Variants in UTRN observed in about 807,000 individuals in gnomAD.
UTRN encodes the protein dystrophin-related protein 1.
Under a neutral mutation model 463.9 loss-of-function variants are expected in UTRN, and 283 were observed. That is an observed-to-expected ratio of 0.61 (90% CI 0.55 to 0.67). UTRN has a LOEUF of 0.67. Among genes scored for constraint, UTRN ranks in the 30% least tolerant of loss-of-function variants. The probability of loss-of-function intolerance (pLI) is 0.00; values close to 1 mark genes in which losing one functional copy is unlikely to be tolerated. For synonymous variants in UTRN, 1,442 were observed against 1,431.5 expected (o/e 1.01, Z -0.17); for missense variants, 3,922 against 4,084.3 (o/e 0.96, Z 1.08).
At chr6:144,357,277 G>A (rs1001297757) in intron 2 of UTRN, among the ~76,000 whole-genome samples, 6 of 151,988 alleles carry the variant, frequency 3.9e-5, no homozygotes, top group African/African-American at 7.3e-5. Context: ...CCTCATTTCC[G>A]CACGATGATA....
intron 34 of UTRN, among the ~76,000 whole-genome samples, chr6:144,505,626 T>G (rs1353783048): frequency 6.6e-6 from 1 of 152,214 alleles, no homozygotes; most frequent in African/African-American, 2.4e-5. Flanking sequence ...GACTGTTTGT[T>G]ACGATTTCTG....
chr6:144,637,155 A>C (rs1562688600), intron 51 of UTRN, among the ~76,000 whole-genome samples: 1 of 152,104 alleles, frequency 6.6e-6, no homozygotes, highest in South Asian at 2.1e-4. Context: ...TTTTTGGTAG[A>C]GACAGGGTCT....
intron 61 of UTRN, among the ~76,000 whole-genome samples, chr6:144,783,411 G>C (rs1165205358): frequency 6.6e-6 from 1 of 152,116 alleles, no homozygotes; most frequent in East Asian, 1.9e-4. Context: ...GCAATGAGCT[G>C]ACTAAAAATC....
At chr6:144,557,067 A>G (rs1477108744) in intron 49 of UTRN, 90 bp from the exon 50 acceptor site, 2 of 1,470,432 alleles carry the variant, frequency 1.4e-6, no homozygotes, top group Admixed American at 2.1e-5. Flanking sequence ...TATCTAAAGC[A>G]TGTCAAAATC....
chr6:144,477,796 G>A (rs1450559503), intron 25 of UTRN, among the ~76,000 whole-genome samples: 1 of 152,152 alleles, frequency 6.6e-6, no homozygotes, highest in Non-Finnish European at 1.5e-5. Flanking sequence ...AGGAACTGGG[G>A]TTTTTGAGGA....
intron 69 of UTRN, 56 bp from the exon 70 acceptor site, chr6:144,835,724 C>T (rs902736643): frequency 6.2e-7 from 1 of 1,600,392 alleles, no homozygotes; most frequent in Non-Finnish European, 8.5e-7. Context: ...CCTTTATGTC[C>T]AAAAACATCA....
intron 66 of UTRN, among the ~76,000 whole-genome samples, chr6:144,824,319 C>G (rs979455570): frequency 1.3e-5 from 2 of 151,012 alleles, no homozygotes; most frequent in Non-Finnish European, 2.9e-5. Flanking sequence ...AGGCAGAAGA[C>G]AAAGAACAAG....
chr6:144,590,335 G>A (rs1441385448), intron 51 of UTRN, among the ~76,000 whole-genome samples: 1 of 152,058 alleles, frequency 6.6e-6, no homozygotes, highest in East Asian at 1.9e-4. Flanking sequence ...AAAATAGTTG[G>A]TTCTGGTTTT....
intron 33 of UTRN, among the ~76,000 whole-genome samples, chr6:144,498,221 T>C (rs1236303517): frequency 6.6e-6 from 1 of 152,230 alleles, no homozygotes; most frequent in Non-Finnish European, 1.5e-5. Flanking sequence ...CATGGCTCAA[T>C]CCAAAGATTG....
rs553713766 is a variant in UTRN at position 144,544,506 on chromosome 6, A to G, written c.6595+1636A>G. ...CTGGATATTTCATATAAATGGAGTC[A>G]TACGATGCTTCTTTTACTTAGCATA... On this transcript the variant is annotated intron_variant, in intron 46 of 74. Transcript: ENST00000367545. Among the ~76,000 whole-genome samples, 3 of 152,284 alleles carry G rather than the reference A, an allele frequency of 2.0e-5. No homozygotes were observed. In the South Asian group the frequency reaches 6.2e-4, roughly 32 times the overall value.
intron 3 of UTRN, among the ~76,000 whole-genome samples, chr6:144,410,650 C>T (rs943061116): frequency 6.6e-6 from 1 of 152,062 alleles, no homozygotes; most frequent in African/African-American, 2.4e-5. Flanking sequence ...GCTTAGCTCC[C>T]ACTTATGAGT....
chr6:144,603,822 T>C (rs897244853), intron 51 of UTRN, among the ~76,000 whole-genome samples: 1 of 152,184 alleles, frequency 6.6e-6, no homozygotes, highest in Admixed American at 6.5e-5. Flanking sequence ...ATTATTAAAA[T>C]AACTAGTATT....
At chr6:144,360,650 G>A (rs1274541473) in intron 2 of UTRN, among the ~76,000 whole-genome samples, 3 of 152,212 alleles carry the variant, frequency 2.0e-5, no homozygotes, top group Non-Finnish European at 4.4e-5. Context: ...CTGGCAGGAA[G>A]TGTCAGCGCC....
At chr6:144,652,499 A>C (rs951554853) in intron 51 of UTRN, among the ~76,000 whole-genome samples, 2 of 152,240 alleles carry the variant, frequency 1.3e-5, no homozygotes, top group Admixed American at 6.5e-5. Context: ...TCTAGGTGGG[A>C]TCACTTAAAC....
chr6:144,705,769 A>G (rs1369454227), intron 53 of UTRN, among the ~76,000 whole-genome samples: 1 of 152,212 alleles, frequency 6.6e-6, no homozygotes, highest in African/African-American at 2.4e-5. Flanking sequence ...AGGAAAAGTA[A>G]AGTGCTGAAG....
intron 28 of UTRN, among the ~76,000 whole-genome samples, 160 bp downstream of exon 28, chr6:144,485,679 A>T (rs1362291832): frequency 1.3e-5 from 2 of 152,230 alleles, no homozygotes; most frequent in African/African-American, 4.8e-5. Context: ...GTGTTTATAC[A>T]ATCATGTGTA....
rs537855243 is a variant in UTRN at position 144,495,052 on chromosome 6, G to C, written c.4593+1596G>C. Among the ~76,000 whole-genome samples the C allele has an allele frequency of 2.0e-5, 3 of 152,234 alleles. No homozygotes were observed. In the South Asian group the frequency reaches 6.2e-4, roughly 31 times the overall value. Reference sequence around the variant, plus strand: ...TGAGCTAGACATAAAGACTCTCCACGTCCCCACCAGACCCAGGAGTCCAGC... The same window carrying C: ...TGAGCTAGACATAAAGACTCTCCACCTCCCCACCAGACCCAGGAGTCCAGC... On this transcript the variant is annotated intron_variant, in intron 33 of 74. Transcript: ENST00000367545.
chr6:144,504,267 A>T (rs1794498457), intron 34 of UTRN, among the ~76,000 whole-genome samples: 1 of 152,184 alleles, frequency 6.6e-6, no homozygotes, highest in African/African-American at 2.4e-5. Context: ...CAGAACTTCC[A>T]ATACTATATT....
intron 23 of UTRN, among the ~76,000 whole-genome samples, chr6:144,463,883 A>G (rs1000569894): frequency 6.6e-6 from 1 of 151,396 alleles, no homozygotes; most frequent in African/African-American, 2.4e-5. Flanking sequence ...ATCTATATAT[A>G]TAGGGAGATG....
Sources: gnomAD v4.1 joint callset for allele counts (sites outside exome capture counted in the v4.1 genomes callset) on GRCh38, gnomAD v4.1.1 for gene constraint, MANE v1.5 for transcripts, NCBI Gene and HGNC (gene_info 2026-07-23, HGNC 2026-07-21) for gene names.